AK9: variants seen among roughly 807,000 people sequenced by gnomAD.
AK9 encodes the protein adenylate kinase 9.
Under a neutral mutation model 239.6 loss-of-function variants are expected in AK9, and 191 were observed. The observed-to-expected ratio is 0.80, with a 90% confidence interval of 0.71 to 0.90. AK9 has a LOEUF of 0.90. Ranked by LOEUF, AK9 falls within the 40% of genes least tolerant of loss-of-function variation. The probability of loss-of-function intolerance (pLI) is 0.00; values close to 1 mark genes in which losing one functional copy is unlikely to be tolerated. For missense variants in AK9, 1,995 were observed against 2,214.7 expected (o/e 0.90, Z 1.99); for synonymous variants, 689 against 721.0 (o/e 0.96, Z 0.71).
intron 38 of AK9, among the ~76,000 whole-genome samples, chr6:109,496,131 T>C (rs1458843548): frequency 6.6e-6 from 1 of 152,218 alleles, no homozygotes; most frequent in East Asian, 1.9e-4. Flanking sequence ...TATCTGCAGA[T>C]GGGATTTGAT....
At position 109,538,856 on chromosome 6, in the gene AK9, A is replaced by T. The variant is rs554688116; in HGVS notation, c.3350+3191T>A. ...CTGTAAAGGATTTTATTTCTCCTTC[A>T]GTTATGAAGCTTAGTTTGGCTGGAT... On this transcript the variant is annotated intron_variant, in intron 27 of 40. Coordinates refer to ENST00000424296, the MANE Select transcript of AK9 (RefSeq NM_001145128.3). Among the ~76,000 whole-genome samples, 52 of 152,190 alleles carry T rather than the reference A, an allele frequency of 3.4e-4. No individual in the cohort carries two copies. The East Asian group carries it at 5.6e-3, about 16-fold the overall frequency.
At chr6:109,669,895 G>T (rs568825112) in intron 5 of AK9, among the ~76,000 whole-genome samples, 1 of 152,166 alleles carries the variant, frequency 6.6e-6, no homozygotes, top group Non-Finnish European at 1.5e-5. Flanking sequence ...AAATGAGCTC[G>T]TTTGTGCATG....
At position 109,659,294 on chromosome 6, in the gene AK9, C is replaced by A; in HGVS notation, c.564G>T (p.Lys188Asn). ...CTTTTCCGTCCTTTTGGGCTTCTTT[C>A]TTCTTTTTCCTATGATTCTCAATGA... ...PEVIENHRKK[K>N]KEAQKDGKGE... The change falls in exon 7 of 41, where the codon AAG (lysine) becomes AAT (asparagine). Residue 188 changes from lysine to asparagine, a missense_variant. This residue lies in a region of AK9 where 252 missense variants were observed against 246.4 expected (regional missense o/e 1.02). Transcript: ENST00000424296. The A allele has an allele frequency of 6.2e-7, 1 of 1,605,818 alleles. No homozygotes were observed.
At chr6:109,498,562 AAT>A (rs1227783094) in intron 36 of AK9, among the ~76,000 whole-genome samples, 3 of 152,206 alleles carry the variant, frequency 2.0e-5, no homozygotes, top group Non-Finnish European at 4.4e-5. Flanking sequence ...TGGACATTAT[AAT>A]ATGAGACGAA....
chr6:109,559,127 C>T (rs1444443848), intron 24 of AK9, among the ~76,000 whole-genome samples: 1 of 151,478 alleles, frequency 6.6e-6, no homozygotes, highest in African/African-American at 2.4e-5. Context: ...GCTAGGATTA[C>T]AGACGTGAGC....
rs1774350247 is a variant in AK9, at chr6:109,691,187, G to A, written c.-52C>T. ...TCGCTTCCTCTCTCGGCAGCACGCA[G>A]GTCCCGGGAGCCTCTACCCGACCTC... On this transcript the variant is annotated 5_prime_UTR_variant, in exon 1 of 41. Coordinates refer to ENST00000424296, the MANE Select transcript of AK9 (RefSeq NM_001145128.3). The A allele has an allele frequency of 3.4e-6, 2 of 582,834 alleles. No homozygotes were observed. Among genetic ancestry groups the A allele is most frequent in the East Asian group, 2.8e-5 (1 of 35,620 alleles). 36.1% of individuals were successfully genotyped at this position (582,834 alleles called of 1,614,324 possible).
rs964554050 is a variant in AK9, at chr6:109,672,071, C to CT, written c.234+43dup. On this transcript the variant is annotated intron_variant, in intron 4 of 40. Coordinates refer to ENST00000424296, the MANE Select transcript of AK9 (RefSeq NM_001145128.3). ...TGTATAATATATCTATGATACAGAG[C>CT]TTTTTTTGTAATCATAGTTACTTTG... is the stretch of plus-strand genomic sequence containing the variant. The CT allele has an allele frequency of 3.1e-6, 5 of 1,611,098 alleles. No individual in the cohort carries two copies. The Admixed American group carries it at 8.4e-5, about 27-fold the overall frequency.
intron 27 of AK9, among the ~76,000 whole-genome samples, chr6:109,540,007 G>GC (rs1782638222): frequency 6.6e-6 from 1 of 152,088 alleles, no homozygotes; most frequent in Non-Finnish European, 1.5e-5. Context: ...GTGTCATACT[G>GC]CCCCTACTGG....
intron 1 of AK9, among the ~76,000 whole-genome samples, chr6:109,682,544 C>T (rs1186179507): frequency 6.6e-6 from 1 of 151,362 alleles, no homozygotes; most frequent in East Asian, 1.9e-4. Flanking sequence ...CAAATAGATG[C>T]AATAAAAAAT....
chr6:109,506,601 C>G, intron 34 of AK9, 53 bp downstream of exon 34: 4 of 1,534,928 alleles, frequency 2.6e-6, no homozygotes, highest in Non-Finnish European at 2.6e-6. Flanking sequence ...ATATCTTTTC[C>G]CCCGTATGAT....
intron 15 of AK9, among the ~76,000 whole-genome samples, 157 bp from the exon 16 acceptor site, chr6:109,612,250 T>C (rs887428205): frequency 1.3e-5 from 2 of 152,198 alleles, no homozygotes; most frequent in Non-Finnish European, 2.9e-5. Flanking sequence ...TAAATATATT[T>C]AGCAGCAGAT....
intron 2 of AK9, 112 bp from the exon 3 acceptor site, chr6:109,674,373 AT>A: frequency 1.4e-6 from 1 of 711,942 alleles, no homozygotes. Flanking sequence ...CAATGTTATA[AT>A]TTTTCCCATA....
chr6:109,540,511 C>T (rs1028092732), intron 27 of AK9, among the ~76,000 whole-genome samples: 4 of 152,160 alleles, frequency 2.6e-5, no homozygotes, highest in Admixed American at 1.3e-4. Context: ...CACAGCTTCC[C>T]GTGGCTAGGA....
intron 38 of AK9, 139 bp downstream of exon 38, chr6:109,497,326 T>TCTCACA (rs1777140133): frequency 1.4e-5 from 6 of 421,712 alleles, no homozygotes; most frequent in South Asian, 1.0e-4. Flanking sequence ...CAGTGCTTGT[T>TCTCACA]CACACACACA....
At chr6:109,666,630 A>G (rs1257149475) in intron 5 of AK9, among the ~76,000 whole-genome samples, 1 of 152,212 alleles carries the variant, frequency 6.6e-6, no homozygotes, top group African/African-American at 2.4e-5. Context: ...GGCCCATACC[A>G]TCACTTTGCC....
In AK9 at chr6:109,662,504, T is replaced by C. The variant is rs767424743; in HGVS notation, c.444+47A>G. The C allele has an allele frequency of 4.4e-6, 6 of 1,350,028 alleles. No homozygotes were observed. The African/African-American group carries it at 9.1e-5, about 20-fold the overall frequency. The allele number at this position is 1,350,028 out of a possible 1,614,324, so 83.6% of individuals were successfully genotyped here. On this transcript the variant is annotated intron_variant, in intron 6 of 40. Coordinates refer to ENST00000424296, the MANE Select transcript of AK9 (RefSeq NM_001145128.3). ...AAGCATTCCTTGAATTTAACTACTATCAAAAAGAATGGTTTACTCTACTAG... is the reference window on the plus strand; with the variant it reads ...AAGCATTCCTTGAATTTAACTACTACCAAAAAGAATGGTTTACTCTACTAG...
At chr6:109,563,973 T>A in intron 23 of AK9, 107 bp downstream of exon 23, 1 of 1,180,460 alleles carries the variant, frequency 8.5e-7, no homozygotes, top group Non-Finnish European at 1.2e-6. Flanking sequence ...GCCTTGGATA[T>A]ACTGAACATT....
chr6:109,599,649 T>A (rs1382005502), intron 17 of AK9, among the ~76,000 whole-genome samples: 3 of 152,198 alleles, frequency 2.0e-5, no homozygotes, highest in African/African-American at 4.8e-5. Context: ...GCATTGAATC[T>A]ATAAATTACC....
In AK9 at chr6:109,563,631, A is replaced by G; in HGVS notation, c.2717T>C (p.Val906Ala). 1 of 1,551,014 alleles carries G rather than the reference A, an allele frequency of 6.4e-7. No homozygotes were observed. Among genetic ancestry groups the G allele is most frequent in the South Asian group, 1.2e-5 (1 of 84,012 alleles). Residue 906 changes from valine to alanine, a missense_variant, in exon 24 of 41, where the codon GTT becomes GCT. Around this residue, in one of 5 missense-constraint regions of AK9, gnomAD observed 1,290 missense variants for 1,392.7 expected, o/e 0.93. Coordinates refer to ENST00000424296, the MANE Select transcript of AK9 (RefSeq NM_001145128.3). ...ETEDYQTEAE[V>A]DEELEEEEEE... is the part of the protein sequence containing the mutation. ...TTCCTCTTCCTCTAGCTCCTCATCA[A>G]CCTCTGCTTCAGTCTGGTAGTCTTC... is the stretch of plus-strand genomic sequence containing the variant.
Sources: gnomAD v4.1 joint callset for allele counts (sites outside exome capture counted in the v4.1 genomes callset) on GRCh38, gnomAD v4.1.1 for gene constraint, gnomAD v4.1.1 regional missense constraint, MANE v1.5 for transcripts, NCBI Gene and HGNC (gene_info 2026-07-23, HGNC 2026-07-21) for gene names.